ADAMTSL1: variants seen among roughly 807,000 people sequenced by gnomAD.
ADAMTSL1 encodes ADAMTS like 1.
ADAMTSL1 carries 126 observed loss-of-function variants against 201.8 expected under a neutral mutation model. The observed-to-expected ratio is 0.62, with a 90% CI of 0.54 to 0.72. ADAMTSL1 has a LOEUF of 0.72. Ranked by LOEUF, ADAMTSL1 falls within the 30% of genes least tolerant of loss-of-function variation. The probability of loss-of-function intolerance (pLI) is 0.00; values close to 1 mark genes in which losing one functional copy is unlikely to be tolerated. For missense variants in ADAMTSL1, 2,679 were observed against 2,277.8 expected (o/e 1.18, Z -3.59); for synonymous variants, 1,121 against 903.4 (o/e 1.24, Z -4.32).
chr9:18,407,006 A>T (rs544371393), intron 2 of ADAMTSL1, among the ~76,000 whole-genome samples: 1 of 152,356 alleles, frequency 6.6e-6, no homozygotes, highest in South Asian at 2.1e-4. Context: ...ACAAACATTT[A>T]TTGAGTTTCT....
chr9:17,915,347 G>A (rs528429489), intron 1 of ADAMTSL1, among the ~76,000 whole-genome samples: 28 of 152,208 alleles, frequency 1.8e-4, no homozygotes, highest in South Asian at 8.3e-4. Flanking sequence ...TTTCCCCTCA[G>A]CATAATTATT....
At chr9:18,339,926 A>ACCT (rs1162569099) in intron 2 of ADAMTSL1, among the ~76,000 whole-genome samples, 1 of 152,020 alleles carries the variant, frequency 6.6e-6, no homozygotes, top group African/African-American at 2.4e-5. Flanking sequence ...AGTTGTCTTC[A>ACCT]CCTCCTATCA....
chr9:18,443,909 C>G (rs940721202), intron 2 of ADAMTSL1, among the ~76,000 whole-genome samples: 1 of 152,072 alleles, frequency 6.6e-6, no homozygotes, highest in Admixed American at 6.6e-5. Flanking sequence ...AGTAGTAAAC[C>G]ATTTTTTTAT....
chr9:18,345,621 C>T (rs917087047), intron 2 of ADAMTSL1, among the ~76,000 whole-genome samples: 1 of 152,010 alleles, frequency 6.6e-6, no homozygotes, highest in Admixed American at 6.6e-5. Flanking sequence ...TAGAGTGATG[C>T]AAAAATAATA....
intron 2 of ADAMTSL1, among the ~76,000 whole-genome samples, chr9:18,287,232 C>A (rs528425483): frequency 6.6e-6 from 1 of 152,218 alleles, no homozygotes; most frequent in Admixed American, 6.5e-5. Flanking sequence ...AGATAAAACA[C>A]TGTTTTGGCT....
chr9:18,151,989 G>A (rs1537136), intron 1 of ADAMTSL1, among the ~76,000 whole-genome samples: 106,520 of 151,926 alleles, frequency 0.7, 37,843 homozygotes, highest in Middle Eastern at 0.79. Flanking sequence ...CTCATACTGT[G>A]AAAAGAAATC....
At chr9:18,215,495 A>G (rs1830026061) in intron 2 of ADAMTSL1, among the ~76,000 whole-genome samples, 4 of 152,198 alleles carry the variant, frequency 2.6e-5, no homozygotes, top group South Asian at 4.1e-4. Flanking sequence ...CTGTCAAAAG[A>G]ACTGCTGACA....
chr9:17,953,764 C>A (rs1007439110), intron 1 of ADAMTSL1, among the ~76,000 whole-genome samples: 3 of 152,114 alleles, frequency 2.0e-5, no homozygotes, highest in African/African-American at 7.2e-5. Flanking sequence ...TTATCTATTG[C>A]TGCAAAACGA....
At chr9:18,160,410 C>G (rs1827331270) in intron 1 of ADAMTSL1, among the ~76,000 whole-genome samples, 1 of 152,006 alleles carries the variant, frequency 6.6e-6, no homozygotes, top group African/African-American at 2.4e-5. Context: ...TCTCTGGCCC[C>G]TAATCCTAAC....
chr9:18,216,911 G>C (rs542331324), intron 2 of ADAMTSL1, among the ~76,000 whole-genome samples: 1 of 151,974 alleles, frequency 6.6e-6, no homozygotes, highest in African/African-American at 2.4e-5. Flanking sequence ...CAGCTGTGTG[G>C]CCTAAACTTT....
chr9:18,898,127 T>C (rs1829771395), intron 26 of ADAMTSL1, among the ~76,000 whole-genome samples: 1 of 152,088 alleles, frequency 6.6e-6, no homozygotes, highest in Non-Finnish European at 1.5e-5. Flanking sequence ...AAGCAGAGGT[T>C]GCAGTGAGCT....
At chr9:18,194,315 A>C (rs941216810) in intron 2 of ADAMTSL1, among the ~76,000 whole-genome samples, 7 of 152,250 alleles carry the variant, frequency 4.6e-5, no homozygotes, top group African/African-American at 1.7e-4. Flanking sequence ...GGAAGACACC[A>C]GTAGAGAAGA....
At chr9:18,787,354 A>C (rs1183746628) in intron 19 of ADAMTSL1, among the ~76,000 whole-genome samples, 3 of 152,318 alleles carry the variant, frequency 2.0e-5, no homozygotes, top group East Asian at 3.9e-4. Context: ...GGTGAAGAGC[A>C]CTGGAGGATA....
intron 1 of ADAMTSL1, among the ~76,000 whole-genome samples, chr9:17,939,867 G>A (rs1288469515): frequency 6.6e-6 from 1 of 152,134 alleles, no homozygotes; most frequent in Non-Finnish European, 1.5e-5. Context: ...AGGCCTGAGA[G>A]GACATGAAGG....
intron 2 of ADAMTSL1, among the ~76,000 whole-genome samples, chr9:18,453,144 G>C (rs1020706475): frequency 6.6e-6 from 1 of 152,174 alleles, no homozygotes; most frequent in Non-Finnish European, 1.5e-5. Flanking sequence ...CGTTGCCAAG[G>C]TTTACAGCTT....
intron 1 of ADAMTSL1, among the ~76,000 whole-genome samples, chr9:17,980,776 T>C (rs907257564): frequency 2.6e-5 from 4 of 152,188 alleles, no homozygotes; most frequent in African/African-American, 9.6e-5. Flanking sequence ...GGCTGGTATA[T>C]AAAGAAAATA....
At chr9:18,319,124 T>A (rs929563835) in intron 2 of ADAMTSL1, among the ~76,000 whole-genome samples, 7 of 152,016 alleles carry the variant, frequency 4.6e-5, no homozygotes, top group African/African-American at 9.7e-5. Flanking sequence ...GGCAGGAGGA[T>A]CACTTGAGCC....
chr9:18,635,072 T>C (rs1827025099), intron 5 of ADAMTSL1, among the ~76,000 whole-genome samples: 1 of 151,768 alleles, frequency 6.6e-6, no homozygotes, highest in Non-Finnish European at 1.5e-5. Flanking sequence ...GAAATTTCAT[T>C]TGTTCATCAG....
At chr9:18,801,143 A>G (rs892532625) in intron 20 of ADAMTSL1, among the ~76,000 whole-genome samples, 2 of 152,238 alleles carry the variant, frequency 1.3e-5, no homozygotes. Context: ...CCAACTAAAC[A>G]GAATTTCAAG....
Sources: gnomAD v4.1 joint callset for allele counts (sites outside exome capture counted in the v4.1 genomes callset) on GRCh38, gnomAD v4.1.1 for gene constraint, MANE v1.5 for transcripts, NCBI Gene and HGNC (gene_info 2026-07-23, HGNC 2026-07-21) for gene names.